Variants in TRIP11 observed in about 807,000 individuals in gnomAD.
The protein encoded by TRIP11 is thyroid receptor-interacting protein 11.
TRIP11 carries 148 observed loss-of-function variants against 223.1 expected under a neutral mutation model. That is an observed-to-expected ratio of 0.66 (90% CI 0.58 to 0.76). The LOEUF is 0.76. Ranked by LOEUF, TRIP11 falls within the 30% of genes least tolerant of loss-of-function variation. The pLI, the probability that TRIP11 is intolerant of heterozygous loss-of-function variation, is 0.00. For synonymous variants in TRIP11, 762 were observed against 772.6 expected, an observed-to-expected ratio of 0.99 and a Z score of 0.23; for missense variants, 2,043 against 2,222.0, an observed-to-expected ratio of 0.92 and a Z score of 1.62.
At chr14:91,981,454 C>T (rs567579778) in intron 16 of TRIP11, among the ~76,000 whole-genome samples, 7 of 152,144 alleles carry the variant, frequency 4.6e-5, no homozygotes, top group African/African-American at 1.7e-4. Flanking sequence ...CAGTGGCACA[C>T]CCTCTGCTCA....
intron 16 of TRIP11, among the ~76,000 whole-genome samples, chr14:91,981,309 C>T (rs965169469): frequency 2.0e-5 from 3 of 151,334 alleles, no homozygotes; most frequent in African/African-American, 7.3e-5. Flanking sequence ...AACCACCGCA[C>T]CCGGCCCAAA....
In TRIP11 at chr14:91,972,931, A is replaced by AC. The variant is rs1223463169; in HGVS notation, c.5575-71dup. 17 of 1,268,474 alleles carry AC rather than the reference A, an allele frequency of 1.3e-5. No individual in the cohort carries two copies. In the Admixed American group the frequency reaches 3.8e-4, roughly 29 times the overall value. 78.6% of individuals were successfully genotyped at this position (1,268,474 alleles called of 1,614,324 possible). On this transcript the variant is annotated intron_variant, in intron 19 of 20. Transcript: ENST00000267622. ...ATATTCACTACAACTAAGGAAATGTACCAGCTTTTCTAATTAAATATTAAA... is the reference window on the plus strand; with the variant it reads ...ATATTCACTACAACTAAGGAAATGTACCCAGCTTTTCTAATTAAATATTAAA...
At chr14:92,032,825 C>A (rs946206259) in intron 2 of TRIP11, among the ~76,000 whole-genome samples, 4 of 148,228 alleles carry the variant, frequency 2.7e-5, no homozygotes, top group African/African-American at 5.0e-5. Flanking sequence ...AGAGTGAGAC[C>A]CCGTTTCAAA....
chr14:92,005,760 T>G lies in TRIP11; in HGVS notation c.2216A>C (p.Tyr739Ser). 1.9e-6 allele frequency: 3 copies of G among 1,614,096 alleles called. No individual in the cohort carries two copies. The highest frequency in any genetic ancestry group is 2.5e-6 in the Non-Finnish European group (3 of 1,180,018). ...TGACAGTTCTTCAATGGTTTTCTCA[T>G]ACTTGTTTGCTTCTTCCAACAGCCT... ...KKRLLEEANK[Y>S]EKTIEELSNA... is the part of the protein sequence containing the mutation. The change falls in exon 11 of 21, where the codon TAT becomes TCT. Residue 739 changes from tyrosine (Y) to serine (S), a missense_variant. Physicochemically the swap from Tyr to Ser is moderately radical, Grantham distance 144. Transcript: ENST00000267622.
chr14:92,017,094 A>AT (rs1814522613), intron 5 of TRIP11, among the ~76,000 whole-genome samples: 1 of 152,208 alleles, frequency 6.6e-6, no homozygotes, highest in Admixed American at 6.5e-5. Context: ...CAACCCTGCA[A>AT]TTAGGTTTTA....
At chr14:92,020,842 C>T (rs7144275) in intron 4 of TRIP11, among the ~76,000 whole-genome samples, 3,217 of 148,816 alleles carry the variant, frequency 0.022, 113 homozygotes, top group African/African-American at 0.074. Context: ...GAGGCCAAGG[C>T]GGGCAGATCA....
At chr14:92,006,901 C>T (rs537670453) in intron 10 of TRIP11, among the ~76,000 whole-genome samples, 3 of 152,204 alleles carry the variant, frequency 2.0e-5, no homozygotes, top group Admixed American at 6.5e-5. Context: ...CTTCCAACCT[C>T]GGGTGATCTG....
At chr14:92,025,772 C>T (rs1198035697) in intron 2 of TRIP11, among the ~76,000 whole-genome samples, 3 of 151,692 alleles carry the variant, frequency 2.0e-5, no homozygotes, top group African/African-American at 4.8e-5. Context: ...CCCAGCTACT[C>T]GCGAGGCTGA....
At chr14:92,030,046 T>A (rs7146926) in intron 2 of TRIP11, among the ~76,000 whole-genome samples, 62,232 of 150,774 alleles carry the variant, frequency 0.41, 13,774 homozygotes, top group African/African-American at 0.58. Flanking sequence ...AAATACAAAA[T>A]ATTAGCCGGG....
intron 8 of TRIP11, among the ~76,000 whole-genome samples, chr14:92,011,406 G>A (rs940211393): frequency 2.1e-5 from 3 of 142,722 alleles, no homozygotes; most frequent in Admixed American, 1.5e-4. Flanking sequence ...CAGGAGAATC[G>A]CTTGAACCTG....
At chr14:91,991,356 T>A (rs1432137924) in intron 15 of TRIP11, among the ~76,000 whole-genome samples, 1 of 152,218 alleles carries the variant, frequency 6.6e-6, no homozygotes, top group African/African-American at 2.4e-5. Flanking sequence ...CTACTAAGTT[T>A]CTGTTCATTA....
chr14:91,982,866 T>G (rs2140092044), intron 16 of TRIP11, among the ~76,000 whole-genome samples: 1 of 152,336 alleles, frequency 6.6e-6, no homozygotes. Flanking sequence ...TAAGAGATTC[T>G]TATTTCCACA....
At chr14:91,972,116 C>T (rs1364425331) in intron 20 of TRIP11, among the ~76,000 whole-genome samples, 2 of 152,148 alleles carry the variant, frequency 1.3e-5, no homozygotes, top group African/African-American at 2.4e-5. Flanking sequence ...AAAACCCTTA[C>T]AATTTAGTGA....
rs60610441 is a variant in TRIP11 at position 92,011,188 on chromosome 14, A to T, written c.1228-116T>A. On this transcript the variant is annotated intron_variant, in intron 8 of 20. Transcript: ENST00000267622. ...CAGTATTTCTTTAATGATATGTAGTAATTATAAGAATGCAATACTTGGCCA... is the reference window on the plus strand; with the variant it reads ...CAGTATTTCTTTAATGATATGTAGTTATTATAAGAATGCAATACTTGGCCA... 22,317 of 942,608 alleles carry T rather than the reference A, an allele frequency of 0.024. 543 individuals are homozygous for T. The highest frequency in any genetic ancestry group is 0.09 in the East Asian group (3,423 of 37,878). The allele number at this position is 942,608 out of a possible 1,614,324, so 58.4% of individuals were successfully genotyped here. A position where few individuals can be genotyped will look rare whatever the true frequency, so the allele number is the denominator to read the frequency against.
intron 9 of TRIP11, among the ~76,000 whole-genome samples, chr14:92,009,284 T>C (rs550110104): frequency 1.3e-5 from 2 of 152,334 alleles, no homozygotes; most frequent in South Asian, 2.1e-4. Flanking sequence ...TCATCCCACC[T>C]TGGCCTCCCA....
rs779575181 is a variant in TRIP11, at chr14:92,003,646, C to G, written c.4330G>C (p.Val1444Leu). The G allele has an allele frequency of 2.5e-6, 4 of 1,614,138 alleles. No homozygotes were observed. The highest frequency in any genetic ancestry group is 1.6e-4 in the Middle Eastern group (1 of 6,062). The change falls in exon 11 of 21, where the codon GTA (valine) becomes CTA (leucine). Residue 1444 changes from valine (V) to leucine (L), a missense_variant. By Grantham distance (32) the Val-to-Leu change is conservative. Transcript: ENST00000267622. ...VNENELLRQA[V>L]TNLKERILIL... ...AATATTCTCTCCTTCAGGTTTGTTACTGCCTGCCTCAAAAGTTCGTTTTCA... is the reference window on the plus strand; with the variant it reads ...AATATTCTCTCCTTCAGGTTTGTTAGTGCCTGCCTCAAAAGTTCGTTTTCA...
At chr14:92,032,912 A>T (rs1041871555) in intron 2 of TRIP11, among the ~76,000 whole-genome samples, 5 of 152,146 alleles carry the variant, frequency 3.3e-5, no homozygotes, top group Non-Finnish European at 5.9e-5. Context: ...TAAACTCTGG[A>T]TTATGATAAA....
chr14:91,988,449 G>T, intron 15 of TRIP11, 66 bp from the exon 16 acceptor site: 1 of 1,390,790 alleles, frequency 7.2e-7, no homozygotes. Context: ...AAGGCTGAGA[G>T]ACATCTTAGA....
chr14:91,971,154 C>T (rs954134980), intron 20 of TRIP11, among the ~76,000 whole-genome samples: 3 of 152,180 alleles, frequency 2.0e-5, no homozygotes, highest in African/African-American at 7.2e-5. Context: ...AGACCTCTGA[C>T]AACTTCAATG....
Sources: allele counts gnomAD v4.1 joint callset (sites outside exome capture counted in the v4.1 genomes callset), GRCh38; gene constraint gnomAD v4.1.1; transcripts MANE v1.5; gene names NCBI Gene and HGNC (gene_info 2026-07-23, HGNC 2026-07-21).